ABCC5: variants seen among roughly 807,000 people sequenced by gnomAD.
ABCC5 encodes ATP binding cassette subfamily C member 5.
In ABCC5, 61 loss-of-function variants were observed where a neutral mutation model predicts 160.9. The ratio of observed to expected loss-of-function variants is 0.38; its 90% CI spans 0.31 to 0.47. The LOEUF (loss-of-function observed/expected upper bound fraction) is 0.47. ABCC5 is among the 20% of genes least tolerant of loss of function. The pLI, the probability that ABCC5 is intolerant of heterozygous loss-of-function variation, is 0.99. For missense variants in ABCC5, 1,308 were observed against 1,813.3 expected (o/e 0.72, Z 5.06); for synonymous variants, 666 against 700.6 (o/e 0.95, Z 0.78).
At chr3:183,946,275 CAA>C in intron 23 of ABCC5, among the ~76,000 whole-genome samples, 1 of 152,298 alleles carries the variant, frequency 6.6e-6, no homozygotes, top group East Asian at 1.9e-4. Flanking sequence ...GGAGTCACAA[CAA>C]ATGGAGATAT....
chr3:183,968,256 T>C (rs1386244560), intron 11 of ABCC5, among the ~76,000 whole-genome samples: 1 of 152,028 alleles, frequency 6.6e-6, no homozygotes, highest in Non-Finnish European at 1.5e-5. Flanking sequence ...GTTACAGGCA[T>C]GCACCACTAC....
Position 183,959,721 on chromosome 3 carries a change from A to T in ABCC5, c.2482+12T>A. 1 of 1,582,730 alleles carries T rather than the reference A, an allele frequency of 6.3e-7. No individual in the cohort carries two copies. Among genetic ancestry groups the T allele is most frequent in the Non-Finnish European group, 8.6e-7 (1 of 1,165,860 alleles). ...TGATGACAAATCTAAAAATTTCAAA[A>T]AAGGCCATTACCTTCCTCTGGCTTT... is the stretch of plus-strand genomic sequence containing the variant. On this transcript the variant is annotated intron_variant, in intron 17 of 29. Coordinates refer to ENST00000334444, the MANE Select transcript of ABCC5 (RefSeq NM_005688.4).
chr3:183,925,446 T>A, intron 29 of ABCC5, 109 bp downstream of exon 29: 1 of 1,139,328 alleles, frequency 8.8e-7, no homozygotes, highest in Non-Finnish European at 1.2e-6. Context: ...CTGCTGCAAG[T>A]GCTTATCTGA....
intron 9 of ABCC5, 119 bp from the exon 10 acceptor site, chr3:183,977,743 T>A: frequency 1.5e-6 from 1 of 662,838 alleles, no homozygotes; most frequent in Non-Finnish European, 2.5e-6. Flanking sequence ...CAGCTGTTAT[T>A]ACAAGTCAAT....
intron 2 of ABCC5, among the ~76,000 whole-genome samples, chr3:184,008,451 A>G (rs1267575812): frequency 6.6e-6 from 1 of 152,218 alleles, no homozygotes; most frequent in Non-Finnish European, 1.5e-5. Context: ...TGCCAGCCAA[A>G]GTTAGTACTC....
chr3:183,929,210 A>G (rs1577454883), intron 26 of ABCC5, among the ~76,000 whole-genome samples: 1 of 152,030 alleles, frequency 6.6e-6, no homozygotes, highest in Non-Finnish European at 1.5e-5. Context: ...AGGCGGGTGG[A>G]TTACTTGAGG....
chr3:183,928,877 G>A (rs1335398571), intron 26 of ABCC5, 52 bp from the exon 27 acceptor site: 1 of 1,462,042 alleles, frequency 6.8e-7, no homozygotes, highest in South Asian at 1.1e-5. Context: ...GCGACCCATT[G>A]GCAAAGGCTG....
At chr3:183,956,344 G>A (rs1403913282) in intron 17 of ABCC5, among the ~76,000 whole-genome samples, 2 of 151,166 alleles carry the variant, frequency 1.3e-5, no homozygotes, top group African/African-American at 2.4e-5. Flanking sequence ...ATGCAGATCC[G>A]TGTGTATATC....
rs749344682 is a variant in ABCC5, at chr3:183,921,345, A to T, written c.4269T>A (p.Tyr1423Ter). ...TGTTCTCTGCAGCAGCAAACATGGC[A>T]TAGAATCGGGAACTGTCGTTGGACA... is the stretch of plus-strand genomic sequence containing the variant. ...VLLSNDSSRF[Y>*]AMFAAAENKV... Residue 1423 changes from tyrosine (Y) to a stop codon, truncating the protein, a stop_gained, in exon 30 of 30, where the codon TAT (tyrosine) becomes TAA (stop). Coordinates refer to ENST00000334444, the MANE Select transcript of ABCC5 (RefSeq NM_005688.4). LOFTEE classifies it high-confidence loss of function. The surrounding 1 kb of genome is among the most constrained non-coding windows in gnomAD (Gnocchi z 4.1). 1 of 1,612,536 alleles carries T rather than the reference A, an allele frequency of 6.2e-7. No homozygotes were observed. Among genetic ancestry groups the T allele is most frequent in the South Asian group, 1.1e-5 (1 of 90,940 alleles).
In ABCC5 at chr3:183,959,846, T is replaced by TAA; in HGVS notation, c.2380-12_2380-11insTT. 6.4e-7 allele frequency: 1 copy of TAA among 1,565,866 alleles called. No homozygotes were observed. The highest frequency in any genetic ancestry group is 1.2e-5 in the South Asian group (1 of 84,368). On this transcript the variant is annotated splice_polypyrimidine_tract_variant and intron_variant, in intron 16 of 29. Transcript: ENST00000334444. ...CTTTTTTGAATTGATCTAATAATATTTAAAAAAAAAAGTCTCCAGTCATGT... is the reference window on the plus strand; with the variant it reads ...CTTTTTTGAATTGATCTAATAATATTAATAAAAAAAAAAGTCTCCAGTCATGT...
intron 2 of ABCC5, among the ~76,000 whole-genome samples, chr3:184,014,017 C>T (rs1039746125): frequency 1.3e-5 from 2 of 152,056 alleles, no homozygotes; most frequent in African/African-American, 4.8e-5. Context: ...GGATTATAGG[C>T]GCCCGCCACC....
At position 183,965,215 on chromosome 3, in the gene ABCC5, C is replaced by T; in HGVS notation, c.2001G>A (p.Leu667=). The T allele has an allele frequency of 6.2e-7, 1 of 1,614,204 alleles. No individual in the cohort carries two copies. The highest frequency in any genetic ancestry group is 8.5e-7 in the Non-Finnish European group (1 of 1,180,032). ...VLNSCCLRPD[L]AILPSSDLTE... Reference sequence around the variant, plus strand: ...TCAGGTCGCTGCTGGGAAGAATGGCCAGGTCAGGCCTCAGGCAGCAGCTGT... The same window carrying T: ...TCAGGTCGCTGCTGGGAAGAATGGCTAGGTCAGGCCTCAGGCAGCAGCTGT... The change falls in exon 14 of 30, where the codon CTG becomes CTA. Residue 667 remains leucine (L), a synonymous_variant. Coordinates refer to ENST00000334444, the MANE Select transcript of ABCC5 (RefSeq NM_005688.4).
At chr3:183,980,138 G>A (rs1718582246) in intron 8 of ABCC5, among the ~76,000 whole-genome samples, 1 of 152,150 alleles carries the variant, frequency 6.6e-6, no homozygotes, top group Non-Finnish European at 1.5e-5. Context: ...GCCTCCCAAA[G>A]TGCTGGGATT....
Position 183,950,006 on chromosome 3 carries a change from C to T in ABCC5, c.3064G>A (p.Val1022Ile). Residue 1022 changes from valine to isoleucine, a missense_variant, in exon 21 of 30, where the codon GTC becomes ATC. Around this residue, in one of 3 missense-constraint regions of ABCC5, gnomAD observed 1,142 missense variants for 1,527.1 expected, o/e 0.75. Coordinates refer to ENST00000334444, the MANE Select transcript of ABCC5 (RefSeq NM_005688.4). ...PWFLVAVGPL[V>I]ILFSVLHIVS... The stretch of plus-strand genomic sequence containing the variant: ...ATGTGCAGGACTGAAAAGAGGATGA[C>T]AAGGGGCCCCACTGCCACAAGGAAC... The T allele has an allele frequency of 6.2e-7, 1 of 1,614,108 alleles. No individual in the cohort carries two copies. Among genetic ancestry groups the T allele is most frequent in the Non-Finnish European group, 8.5e-7 (1 of 1,180,026 alleles).
chr3:183,990,385 G>A (rs1719648031), intron 2 of ABCC5, among the ~76,000 whole-genome samples: 1 of 152,158 alleles, frequency 6.6e-6, no homozygotes, highest in Non-Finnish European at 1.5e-5. Flanking sequence ...GATTATAGGT[G>A]TGAGCTGCCG....
intron 2 of ABCC5, chr3:184,000,741 C>T (rs1397436894): frequency 6.5e-6 from 1 of 152,814 alleles, no homozygotes; most frequent in Non-Finnish European, 1.5e-5. Flanking sequence ...ACTACATACT[C>T]TGTGTCTCCA....
intron 15 of ABCC5, 137 bp from the exon 16 acceptor site, chr3:183,961,791 T>C: frequency 9.0e-7 from 1 of 1,113,690 alleles, no homozygotes; most frequent in South Asian, 1.6e-5. Context: ...GAGACATTTT[T>C]TTTTTTGAGG....
chr3:183,985,502 G>C (rs1484721566), intron 5 of ABCC5: 2 of 838,768 alleles, frequency 2.4e-6, no homozygotes, highest in Non-Finnish European at 4.2e-6. Context: ...ACCTCTCTAA[G>C]GGTTTTACAC....
intron 5 of ABCC5, chr3:183,984,659 C>A: frequency 6.9e-7 from 1 of 1,451,568 alleles, no homozygotes. Flanking sequence ...CCACCTCTCC[C>A]CTCCCTCAGA....
Sources: allele counts gnomAD v4.1 joint callset (sites outside exome capture counted in the v4.1 genomes callset), GRCh38; gene constraint gnomAD v4.1.1; regional missense constraint gnomAD v4.1.1; non-coding constraint Gnocchi (gnomAD v3.1); transcripts MANE v1.5; gene names NCBI Gene and HGNC (gene_info 2026-07-23, HGNC 2026-07-21).